The following HLA-DQB2 variants were observed in gnomAD, a reference collection of about 807,000 sequenced individuals.
HLA-DQB2 encodes the protein major histocompatibility complex, class II, DQ beta 2.
A neutral mutation model predicts 29.2 loss-of-function variants in HLA-DQB2; 24 were observed. That is an observed-to-expected ratio of 0.82 (90% CI 0.60 to 1.16). The LOEUF is 1.16. Ranked by LOEUF, HLA-DQB2 falls within the 50% of genes most tolerant of loss-of-function variation. The pLI, the probability that HLA-DQB2 is intolerant of heterozygous loss-of-function variation, is 0.00. For synonymous variants in HLA-DQB2, 104 were observed against 133.1 expected (o/e 0.78, Z 1.51); for missense variants, 273 against 343.6 (o/e 0.79, Z 1.62).
In HLA-DQB2 at chr6:32,758,995, G is replaced by GC; in HGVS notation, c.500_501insG (p.Gly168ArgfsTer9). 6.8e-7 allele frequency: 1 copy of GC among 1,467,344 alleles called. No individual in the cohort carries two copies. The highest frequency in any genetic ancestry group is 9.2e-7 in the Non-Finnish European group (1 of 1,088,086). 90.9% of individuals were successfully genotyped at this position (1,467,344 alleles called of 1,614,324 possible). A position where few individuals can be genotyped will look rare whatever the true frequency, so the allele number is the denominator to read the frequency against. Reference sequence around the variant, plus strand: ...TAATGAGGGAGGTGGACACAACACCGGCTGTCTCCTCCTGGTCATTCCGAA... The same window carrying GC: ...TAATGAGGGAGGTGGACACAACACCGCGCTGTCTCCTCCTGGTCATTCCGAA... On this transcript the variant is annotated frameshift_variant, in exon 3 of 6. Transcript: ENST00000437316. LOFTEE classifies it high-confidence loss of function.
chr6:32,756,189 G>A lies in HLA-DQB2; in HGVS notation c.*264C>T. ...GCTTCTCTTGACAGGTCTGTGGGGG[G>A]AGAATGGAAACAGAGATGCCCCTTG... On this transcript the variant is annotated 3_prime_UTR_variant, in exon 6 of 6. Coordinates refer to ENST00000437316, the MANE Select transcript of HLA-DQB2 (RefSeq NM_001300790.2). 2.0e-6 allele frequency: 1 copy of A among 508,600 alleles called. No homozygotes were observed. The highest frequency in any genetic ancestry group is 3.0e-5 in the East Asian group (1 of 33,110). 31.5% of individuals were successfully genotyped at this position (508,600 alleles called of 1,614,324 possible). A position where few individuals can be genotyped will look rare whatever the true frequency, so the allele number is the denominator to read the frequency against.
At chr6:32,758,439 T>C (rs1484599149) in intron 3 of HLA-DQB2, among the ~76,000 whole-genome samples, 1 of 152,184 alleles carries the variant, frequency 6.6e-6, no homozygotes, top group Admixed American at 6.5e-5. Flanking sequence ...AGCTTCCATA[T>C]GTCTCCCCAT....
chr6:32,760,777 C>T (rs4248169), intron 2 of HLA-DQB2, among the ~76,000 whole-genome samples: 6,228 of 133,340 alleles, frequency 0.047, no homozygotes, highest in East Asian at 0.12. Context: ...ACCATTCAAG[C>T]GTTGTTTTTA....
Position 32,756,270 on chromosome 6 carries a change from G to A in HLA-DQB2, c.*183C>T, listed in dbSNP as rs1764254358. ...AGGCAGAGGCTCTGGGTCAGTGCAG[G>A]AAGCAGAGTCACCACCAGTGCCTTG... On this transcript the variant is annotated 3_prime_UTR_variant, in exon 6 of 6. Coordinates refer to ENST00000437316, the MANE Select transcript of HLA-DQB2 (RefSeq NM_001300790.2). The A allele has an allele frequency of 1.6e-6, 1 of 638,688 alleles. No individual in the cohort carries two copies. The highest frequency in any genetic ancestry group is 2.9e-6 in the Non-Finnish European group (1 of 350,074). 39.6% of individuals were successfully genotyped at this position (638,688 alleles called of 1,614,324 possible).
At chr6:32,762,465 C>G (rs1008953466) in intron 1 of HLA-DQB2, among the ~76,000 whole-genome samples, 46 of 152,180 alleles carry the variant, frequency 3.0e-4, no homozygotes, top group African/African-American at 1.1e-3. Flanking sequence ...TCTGCTATAC[C>G]CGCCCAAGTG....
chr6:32,761,468 G>T (rs993520918), intron 2 of HLA-DQB2, among the ~76,000 whole-genome samples, 192 bp downstream of exon 2: 3 of 151,184 alleles, frequency 2.0e-5, no homozygotes, highest in Admixed American at 6.6e-5. Context: ...GGATGCTTTT[G>T]TGCATCCCCC....
In HLA-DQB2 at chr6:32,761,939, A is replaced by C. The variant is rs762192273; in HGVS notation, c.98-13T>G. Reference sequence around the variant, plus strand: ...ACCAAGAAATCCTCTGCGGAGAATCACGGCGGGTCAGTCAGGCCCCAGCAC... The same window carrying C: ...ACCAAGAAATCCTCTGCGGAGAATCCCGGCGGGTCAGTCAGGCCCCAGCAC... On this transcript the variant is annotated splice_polypyrimidine_tract_variant and intron_variant, in intron 1 of 5. Transcript: ENST00000437316. The C allele has an allele frequency of 6.3e-7, 1 of 1,594,996 alleles. No homozygotes were observed. The highest frequency in any genetic ancestry group is 8.5e-7 in the Non-Finnish European group (1 of 1,171,708).
intron 2 of HLA-DQB2, 79 bp from the exon 3 acceptor site, chr6:32,759,210 C>G: frequency 6.6e-7 from 1 of 1,518,496 alleles, no homozygotes; most frequent in Non-Finnish European, 8.9e-7. Context: ...AGGAAGGTCC[C>G]TCCTTGGAAC....
intron 5 of HLA-DQB2, 38 bp from the exon 6 acceptor site, chr6:32,756,504 C>T (rs1183661313): frequency 6.4e-7 from 1 of 1,563,176 alleles, no homozygotes; most frequent in African/African-American, 1.4e-5. Flanking sequence ...GCACAGGGTA[C>T]CCTGAGGGAC....
intron 5 of HLA-DQB2, chr6:32,756,718 T>C (rs1459462465): frequency 1.5e-6 from 2 of 1,318,134 alleles, no homozygotes; most frequent in Non-Finnish European, 1.9e-6. Flanking sequence ...TTTGATTTTT[T>C]TAGTAAATTG....
In HLA-DQB2 at chr6:32,761,763, G is replaced by A. The variant is rs1355737286; in HGVS notation, c.261C>T (p.Asp87=). ...CCAAGAAGTCCTTATAGTTGTTCCA[G>A]TCCTCGATGCTCCGCCCCAGCTCGG... is the stretch of plus-strand genomic sequence containing the variant. The part of the protein sequence containing the change: ...AVTELGRSIE[D]WNNYKDFLEQ... The change falls in exon 2 of 6, where the codon GAC becomes GAT. Residue 87 remains aspartate, a synonymous_variant. Coordinates refer to ENST00000437316, the MANE Select transcript of HLA-DQB2 (RefSeq NM_001300790.2). 5.7e-6 allele frequency: 9 copies of A among 1,566,838 alleles called. No individual in the cohort carries two copies. Among genetic ancestry groups the A allele is most frequent in the Non-Finnish European group, 7.8e-6 (9 of 1,156,382 alleles).
chr6:32,760,184 T>C (rs922937085), intron 2 of HLA-DQB2, among the ~76,000 whole-genome samples: 24 of 152,202 alleles, frequency 1.6e-4, no homozygotes, highest in African/African-American at 5.5e-4. Context: ...TGAACCTGCA[T>C]AGATAACACT....
rs576438613 is a variant in HLA-DQB2 at position 32,759,017 on chromosome 6, C to T, written c.479G>A (p.Arg160Gln). 1.9e-5 allele frequency: 30 copies of T among 1,614,252 alleles called. No individual in the cohort carries two copies. The highest frequency in any genetic ancestry group is 1.6e-4 in the Middle Eastern group (1 of 6,062). ...YPAQIKVRWFRNDQEETAGVV... is the reference protein window; with the variant it reads ...YPAQIKVRWFQNDQEETAGVV... ...ACCGGCTGTCTCCTCCTGGTCATTCCGAAACCACCGGACTTTGATCTGGGC... is the reference window on the plus strand; with the variant it reads ...ACCGGCTGTCTCCTCCTGGTCATTCTGAAACCACCGGACTTTGATCTGGGC... Residue 160 changes from arginine to glutamine, a missense_variant, in exon 3 of 6, where the codon CGG (arginine) becomes CAG (glutamine). Arg to Gln is a conservative substitution (Grantham distance 43, BLOSUM62 1). Transcript: ENST00000437316.
In HLA-DQB2 at chr6:32,757,044, G is replaced by T. The variant is rs114763323; in HGVS notation, c.781+237C>A. On this transcript the variant is annotated intron_variant, in intron 5 of 5. Coordinates refer to ENST00000437316, the MANE Select transcript of HLA-DQB2 (RefSeq NM_001300790.2). The stretch of plus-strand genomic sequence containing the variant: ...GCTCTTCTTTTTTTTTTTTGAGACA[G>T]ACTCTAGCTCTATCGCCCAGACTGG... The T allele has an allele frequency of 6.0e-4, 795 of 1,322,348 alleles. 4 individuals are homozygous for T. The African/African-American group carries it at 0.011, about 18-fold the overall frequency. 81.9% of individuals were successfully genotyped at this position (1,322,348 alleles called of 1,614,324 possible). A position where few individuals can be genotyped will look rare whatever the true frequency, so the allele number is the denominator to read the frequency against.
intron 5 of HLA-DQB2, chr6:32,756,923 C>T (rs1027581662): frequency 8.3e-6 from 10 of 1,204,312 alleles, no homozygotes; most frequent in Non-Finnish European, 8.3e-6. Context: ...TCTGGAGATT[C>T]GTAGAAACTG....
intron 5 of HLA-DQB2, chr6:32,756,914 C>A: frequency 8.3e-7 from 1 of 1,203,316 alleles, no homozygotes; most frequent in Non-Finnish European, 1.0e-6. Flanking sequence ...GAAACAATCT[C>A]TGGAGATTCG....
intron 5 of HLA-DQB2, chr6:32,756,960 C>T: frequency 8.1e-7 from 1 of 1,238,410 alleles, no homozygotes; most frequent in Non-Finnish European, 1.0e-6. Context: ...AGTCTTAACC[C>T]TCATAGCAGC....
rs574124096 is a variant in HLA-DQB2, at chr6:32,762,070, C to A, written c.98-144G>T. ...GCGAAATTGAGTTCTTGGCTGGGCC[C>A]GTGCCTCGTGCTCCGGACCTGGGAT... On this transcript the variant is annotated intron_variant, in intron 1 of 5. Coordinates refer to ENST00000437316, the MANE Select transcript of HLA-DQB2 (RefSeq NM_001300790.2). The A allele has an allele frequency of 2.9e-4, 327 of 1,125,466 alleles. 7 individuals are homozygous for A. The South Asian group carries it at 4.2e-3, about 14-fold the overall frequency. The allele number at this position is 1,125,466 out of a possible 1,614,324, so 69.7% of individuals were successfully genotyped here.
intron 2 of HLA-DQB2, 23 bp downstream of exon 2, chr6:32,761,637 C>T (rs1347373189): frequency 3.9e-6 from 6 of 1,535,704 alleles, no homozygotes; most frequent in Non-Finnish European, 5.3e-6. Context: ...GGGTGAGCCC[C>T]GCGGAAGGAC....
Sources: gnomAD v4.1 joint callset for allele counts (sites outside exome capture counted in the v4.1 genomes callset) on GRCh38, gnomAD v4.1.1 for gene constraint, MANE v1.5 for transcripts, NCBI Gene and HGNC (gene_info 2026-07-23, HGNC 2026-07-21) for gene names.